Variants in SNAPC3 observed in about 807,000 individuals in gnomAD.
SNAPC3 encodes snRNA-activating protein complex subunit 3.
Under a neutral mutation model 47.7 loss-of-function variants are expected in SNAPC3, and 56 were observed. That is an observed-to-expected ratio of 1.18 (90% CI 0.95 to 1.47). The LOEUF is 1.47. SNAPC3 is among the 40% of genes most tolerant of loss of function. The probability of loss-of-function intolerance (pLI) is 0.00; values close to 1 mark genes in which losing one functional copy is unlikely to be tolerated. For missense variants in SNAPC3, 665 were observed against 511.3 expected (o/e 1.30, Z -2.90); for synonymous variants, 235 against 189.9 (o/e 1.24, Z -1.95).
At chr9:15,454,948 T>TA (rs1259607128) in intron 7 of SNAPC3, among the ~76,000 whole-genome samples, 1 of 151,818 alleles carries the variant, frequency 6.6e-6, no homozygotes, top group Non-Finnish European at 1.5e-5. Flanking sequence ...AATAAATAAA[T>TA]AAGAAAATTA....
At chr9:15,456,203 T>G (rs1048335286) in intron 7 of SNAPC3, among the ~76,000 whole-genome samples, 1 of 151,846 alleles carries the variant, frequency 6.6e-6, no homozygotes, top group Admixed American at 6.6e-5. Flanking sequence ...AGAGACGGGG[T>G]TTCACCATGT....
chr9:15,441,434 T>TTC (rs986420725), intron 3 of SNAPC3, among the ~76,000 whole-genome samples: 1 of 143,050 alleles, frequency 7.0e-6, no homozygotes, highest in African/African-American at 2.6e-5. Context: ...TCTTGGGTGT[T>TTC]TCTCGAGGAG....
intron 8 of SNAPC3, among the ~76,000 whole-genome samples, chr9:15,458,626 A>T (rs1165604670): frequency 3.9e-5 from 6 of 152,168 alleles, no homozygotes. Context: ...GTGATTCTAC[A>T]TGTTTAGATT....
intron 7 of SNAPC3, among the ~76,000 whole-genome samples, chr9:15,455,789 C>G (rs2034739218): frequency 6.6e-6 from 1 of 151,960 alleles, no homozygotes; most frequent in Admixed American, 6.6e-5. Context: ...ACCTCTGTCT[C>G]CTAGGTTGAA....
At chr9:15,458,092 T>TC (rs755848776) in intron 8 of SNAPC3, 25 bp downstream of exon 8, 5 of 1,335,730 alleles carry the variant, frequency 3.7e-6, no homozygotes, top group East Asian at 2.5e-5. Flanking sequence ...ATTTTTTTTT[T>TC]TCTCTGAGAA....
chr9:15,441,459 G>A lies in SNAPC3; in HGVS notation c.478-3143G>A, dbSNP rs966228849. Among the ~76,000 whole-genome samples the A allele has an allele frequency of 3.6e-5, 5 of 140,428 alleles. No homozygotes were observed. In the Admixed American group the frequency reaches 4.0e-4, roughly 11 times the overall value. 92.1% of individuals were successfully genotyped at this position (140,428 alleles called of 152,430 possible). A position where few individuals can be genotyped will look rare whatever the true frequency, so the allele number is the denominator to read the frequency against. On this transcript the variant is annotated intron_variant, in intron 3 of 8. Transcript: ENST00000380821. ...TTCTCGAGGAGGGGGATTTGGCAGGGTCATAGGACAATAGTGGAGGGAAGG... is the reference window on the plus strand; with the variant it reads ...TTCTCGAGGAGGGGGATTTGGCAGGATCATAGGACAATAGTGGAGGGAAGG...
rs371736208 is a variant in SNAPC3 at position 15,426,669 on chromosome 9, T to G, written c.392+2683T>G. Among the ~76,000 whole-genome samples the G allele has an allele frequency of 3.9e-5, 6 of 152,330 alleles. No homozygotes were observed. The East Asian group carries it at 9.6e-4, about 24-fold the overall frequency. Reference sequence around the variant, plus strand: ...TATAGTTAATAATGTATTCATTGATTTATAGTAATTTTGTTAAGCCATGTT... The same window carrying G: ...TATAGTTAATAATGTATTCATTGATGTATAGTAATTTTGTTAAGCCATGTT... On this transcript the variant is annotated intron_variant, in intron 2 of 8. Transcript: ENST00000380821.
rs778679839 is a variant in SNAPC3 at position 15,444,582 on chromosome 9, G to T, written c.478-20G>T. 1.9e-5 allele frequency: 27 copies of T among 1,458,538 alleles called. No individual in the cohort carries two copies. Among genetic ancestry groups the T allele is most frequent in the Non-Finnish European group, 2.5e-5 (26 of 1,041,080 alleles). The allele number at this position is 1,458,538 out of a possible 1,614,324, so 90.3% of individuals were successfully genotyped here. The stretch of plus-strand genomic sequence containing the variant: ...CTGAGTTATAGTATCTGATTTCAGT[G>T]TCTCTTTTTCTTTCTTCAGGAGTCA... On this transcript the variant is annotated intron_variant, in intron 3 of 8. Coordinates refer to ENST00000380821, the MANE Select transcript of SNAPC3 (RefSeq NM_001039697.2).
chr9:15,449,555 ATATATATATTTT>A (rs2034218218), intron 5 of SNAPC3, among the ~76,000 whole-genome samples: 4 of 38,666 alleles, frequency 1.0e-4, no homozygotes, highest in South Asian at 7.8e-4. Context: ...ATATATATAT[ATATATATATTTT>A]TTTTTTTTTT....
chr9:15,459,677 A>G (rs547909239), intron 8 of SNAPC3, 42 bp from the exon 9 acceptor site: 9 of 1,580,258 alleles, frequency 5.7e-6, no homozygotes, highest in African/African-American at 2.7e-5. Flanking sequence ...AAGTATGGCA[A>G]ATTTGATTGT....
At chr9:15,455,260 G>T (rs930170096) in intron 7 of SNAPC3, among the ~76,000 whole-genome samples, 1 of 152,050 alleles carries the variant, frequency 6.6e-6, no homozygotes, top group South Asian at 2.1e-4. Flanking sequence ...TTATGTCTTT[G>T]ATGTTATTAA....
chr9:15,442,118 C>CA (rs1164343076), intron 3 of SNAPC3, among the ~76,000 whole-genome samples: 2 of 149,196 alleles, frequency 1.3e-5, no homozygotes, highest in East Asian at 4.1e-4. Context: ...GGCTGCCCCC[C>CA]ACCTCCCTCC....
intron 7 of SNAPC3, among the ~76,000 whole-genome samples, chr9:15,457,690 A>AGGG (rs953575375): frequency 2.0e-5 from 3 of 152,182 alleles, no homozygotes; most frequent in Non-Finnish European, 2.9e-5. Flanking sequence ...CTCCCTCTTA[A>AGGG]GGGGGGATCA....
chr9:15,444,566 A>G, intron 3 of SNAPC3, 36 bp from the exon 4 acceptor site: 1 of 1,280,518 alleles, frequency 7.8e-7, no homozygotes, highest in Non-Finnish European at 1.1e-6. Context: ...TCTGAGTTAT[A>G]GTATCTGATT....
Position 15,444,657 on chromosome 9 carries a change from G to A in SNAPC3, c.533G>A (p.Gly178Glu). 1 of 1,612,750 alleles carries A rather than the reference G, an allele frequency of 6.2e-7. No homozygotes were observed. The highest frequency in any genetic ancestry group is 1.3e-5 in the African/African-American group (1 of 75,020). ...AATTCAGCAGACATGATTGAAGAAG[G>A]GGAGCTTATCCTATCTGTGAATATC... The part of the protein sequence containing the change: ...PENSADMIEE[G>E]ELILSVNILY... The change falls in exon 4 of 9, where the codon GGG becomes GAG. Residue 178 changes from glycine (G) to glutamate (E), a missense_variant. Transcript: ENST00000380821.
chr9:15,442,605 A>C lies in SNAPC3; in HGVS notation c.478-1997A>C, dbSNP rs28526464. 4.9e-3 allele frequency among the ~76,000 whole-genome samples: 719 copies of C among 146,830 alleles called. 6 individuals carry two copies. The highest frequency in any genetic ancestry group is 0.018 in the African/African-American group (693 of 39,420). Reference sequence around the variant, plus strand: ...GGGGCAGAGGCGTTCCCCACATCTCAGACAATGGGCGGCCGGGCAGAGACG... The same window carrying C: ...GGGGCAGAGGCGTTCCCCACATCTCCGACAATGGGCGGCCGGGCAGAGACG... On this transcript the variant is annotated intron_variant, in intron 3 of 8. Coordinates refer to ENST00000380821, the MANE Select transcript of SNAPC3 (RefSeq NM_001039697.2).
At chr9:15,462,491 CT>C (rs2035289550), downstream of SNAPC3, 2 of 152,100 alleles carry the variant, frequency 1.3e-5, no homozygotes, top group African/African-American at 4.8e-5. Flanking sequence ...GGCAGCTTTT[CT>C]TTATGCTTAT....
Position 15,447,299 on chromosome 9 carries a change from G to A in SNAPC3, c.732+55G>A, listed in dbSNP as rs150635278. On this transcript the variant is annotated intron_variant, in intron 5 of 8. Transcript: ENST00000380821. ...GGAAATAACAAGCTAAGAAAATAGC[G>A]ATTACTCTAGCTGGTTCATAAATGT... is the stretch of plus-strand genomic sequence containing the variant. 34 of 1,497,948 alleles carry A rather than the reference G, an allele frequency of 2.3e-5. No homozygotes were observed. In the African/African-American group the frequency reaches 2.7e-4, roughly 12 times the overall value. 92.8% of individuals were successfully genotyped at this position (1,497,948 alleles called of 1,614,324 possible).
intron 3 of SNAPC3, among the ~76,000 whole-genome samples, chr9:15,437,999 A>C (rs1383329005): frequency 6.6e-6 from 1 of 152,146 alleles, no homozygotes; most frequent in East Asian, 1.9e-4. Context: ...GCCTCATAGA[A>C]TGTGTTAGGA....
Sources: allele counts gnomAD v4.1 joint callset (sites outside exome capture counted in the v4.1 genomes callset), GRCh38; gene constraint gnomAD v4.1.1; transcripts MANE v1.5; gene names NCBI Gene and HGNC (gene_info 2026-07-23, HGNC 2026-07-21).